CPS1: variants seen among roughly 807,000 people sequenced by gnomAD.
The protein encoded by CPS1 is carbamoyl-phosphate synthase 1.
CPS1 carries 109 observed loss-of-function variants against 174.6 expected under a neutral mutation model. The observed-to-expected ratio is 0.62, with a 90% CI of 0.53 to 0.73. The LOEUF (loss-of-function observed/expected upper bound fraction) is 0.73, where lower values mean the gene tolerates loss of function less well. Ranked by LOEUF, CPS1 falls within the 30% of genes least tolerant of loss-of-function variation. CPS1 has a pLI of 0.00. For synonymous variants in CPS1, 637 were observed against 632.0 expected, an observed-to-expected ratio of 1.01 and a Z score of -0.12; for missense variants, 1,689 against 1,821.9, an observed-to-expected ratio of 0.93 and a Z score of 1.33.
chr2:210,523,484 C>T (rs953209836), intron 1 of CPS1, among the ~76,000 whole-genome samples: 7 of 151,962 alleles, frequency 4.6e-5, no homozygotes, highest in Admixed American at 3.3e-4. Context: ...TCTCCTCTCT[C>T]ACCTCCTTCC....
At chr2:210,601,759 T>C (rs1698734518) in intron 15 of CPS1, among the ~76,000 whole-genome samples, 1 of 151,858 alleles carries the variant, frequency 6.6e-6, no homozygotes, top group South Asian at 2.1e-4. Context: ...AAAAATCCAT[T>C]TATATACAGT....
In CPS1 at chr2:210,668,183, C is replaced by A. The variant is rs779886770; in HGVS notation, c.4003-3C>A. 3.1e-6 allele frequency: 5 copies of A among 1,608,890 alleles called. No individual in the cohort carries two copies. The Admixed American group carries it at 5.0e-5, about 16-fold the overall frequency. On this transcript the variant is annotated splice_region_variant and splice_polypyrimidine_tract_variant and intron_variant, in intron 33 of 37. Coordinates refer to ENST00000233072, the MANE Select transcript of CPS1 (RefSeq NM_001875.5). ...TTTTAATTTTTTATTTATTTCTAAA[C>A]AGGTGGCTTGCTTTGGTGAAGGTAT... is the stretch of plus-strand genomic sequence containing the variant.
chr2:210,541,338 A>T (rs866558793), intron 1 of CPS1, among the ~76,000 whole-genome samples: 1 of 152,282 alleles, frequency 6.6e-6, no homozygotes, highest in East Asian at 1.9e-4. Flanking sequence ...AATGAAATGC[A>T]TATAATGTAG....
chr2:210,675,974 G>A lies in CPS1; in HGVS notation c.4274+134G>A, dbSNP rs1347171243. On this transcript the variant is annotated intron_variant, in intron 36 of 37. Coordinates refer to ENST00000233072, the MANE Select transcript of CPS1 (RefSeq NM_001875.5). ...AAAATGAATACATTTGTGGATGATT[G>A]TCAAGTTTCACTCTCCATCACTATG... 5.8e-6 allele frequency: 4 copies of A among 693,370 alleles called. No individual in the cohort carries two copies. The Admixed American group carries it at 6.1e-5, about 11-fold the overall frequency. The allele number at this position is 693,370 out of a possible 1,614,324, so 43.0% of individuals were successfully genotyped here.
intron 25 of CPS1, among the ~76,000 whole-genome samples, chr2:210,643,854 C>G (rs73984678): frequency 0.053 from 7,994 of 152,036 alleles, 730 homozygotes; most frequent in African/African-American, 0.18. Context: ...TTGAGATAGA[C>G]AGGTGGGGAT....
At chr2:210,670,977 T>G (rs1308322538) in intron 34 of CPS1, among the ~76,000 whole-genome samples, 1 of 152,190 alleles carries the variant, frequency 6.6e-6, no homozygotes, top group East Asian at 1.9e-4. Flanking sequence ...ATTTCTAACA[T>G]AAGAAAGGCA....
chr2:210,588,261 A>G (rs1698171906), intron 7 of CPS1, 114 bp downstream of exon 7: 4 of 879,278 alleles, frequency 4.5e-6, no homozygotes, highest in Non-Finnish European at 7.6e-6. Flanking sequence ...TCAGGGGTCT[A>G]CATTCTTCTT....
At position 210,556,867 on chromosome 2, in the gene CPS1, C is replaced by T; in HGVS notation, c.126+8C>T. ...AGGCTCCTTTCTGTCAAGGTAATACCCATATTGATTGTTTCTGATAAAATA... is the reference window on the plus strand; with the variant it reads ...AGGCTCCTTTCTGTCAAGGTAATACTCATATTGATTGTTTCTGATAAAATA... On this transcript the variant is annotated splice_region_variant and intron_variant, in intron 1 of 37. Transcript: ENST00000233072. The T allele has an allele frequency of 6.2e-7, 1 of 1,612,446 alleles. No homozygotes were observed. The highest frequency in any genetic ancestry group is 8.5e-7 in the Non-Finnish European group (1 of 1,178,918).
chr2:210,531,309 T>C (rs1696108245), intron 1 of CPS1, among the ~76,000 whole-genome samples: 2 of 152,120 alleles, frequency 1.3e-5, no homozygotes, highest in Non-Finnish European at 2.9e-5. Flanking sequence ...ACAGTACTCT[T>C]CTGCCAGCCT....
intron 21 of CPS1, among the ~76,000 whole-genome samples, chr2:210,620,184 T>TA (rs769530703): frequency 4.6e-5 from 7 of 152,064 alleles, no homozygotes; most frequent in Non-Finnish European, 5.9e-5. Flanking sequence ...TATTTTAAGA[T>TA]AAAATACAAT....
chr2:210,611,993 A>C, intron 19 of CPS1, 124 bp from the exon 20 acceptor site: 1 of 738,984 alleles, frequency 1.4e-6, no homozygotes, highest in Non-Finnish European at 2.2e-6. Context: ...TTAATTTGAG[A>C]GGCTTTATGA....
chr2:210,674,619 T>C (rs990404038), intron 34 of CPS1: 17 of 451,412 alleles, frequency 3.8e-5, no homozygotes, highest in African/African-American at 3.4e-4. Flanking sequence ...GAAGTGGATC[T>C]GAACTTACAA....
At chr2:210,650,935 C>A (rs1434136796) in intron 28 of CPS1, among the ~76,000 whole-genome samples, 1 of 152,052 alleles carries the variant, frequency 6.6e-6, no homozygotes, top group African/African-American at 2.4e-5. Context: ...TTTATTTTTT[C>A]CTGTTGGCAC....
intron 1 of CPS1, among the ~76,000 whole-genome samples, chr2:210,498,951 G>A (rs1372301400): frequency 1.3e-5 from 2 of 152,196 alleles, no homozygotes; most frequent in Non-Finnish European, 2.9e-5. Flanking sequence ...TGAACAGGAT[G>A]GGTGGGCTGG....
intron 20 of CPS1, among the ~76,000 whole-genome samples, chr2:210,613,126 C>A (rs1287949259): frequency 1.3e-5 from 2 of 151,692 alleles, no homozygotes; most frequent in African/African-American, 4.8e-5. Flanking sequence ...TATGTGTGTG[C>A]ATGTGGGATG....
In CPS1 at chr2:210,599,539, TG is replaced by T. The variant is rs764384490; in HGVS notation, c.1529del (p.Gly510AlafsTer5). 11 of 1,612,384 alleles carry T rather than the reference TG, an allele frequency of 6.8e-6. No individual in the cohort carries two copies. In the East Asian group the frequency reaches 2.0e-4, roughly 29 times the overall value. ...CAGATGGGTTAATTCTGGGCATGGG[TG>T]GCCAGACAGCTCTGAACTGTGGTGA... Reference protein sequence around the residue: ...QPDGLILGMGGQTALNCGVEL... With the variant: ...QPDGLILGMGXQTALNCGVEL... On this transcript the variant is annotated frameshift_variant, in exon 14 of 38. Coordinates refer to ENST00000233072, the MANE Select transcript of CPS1 (RefSeq NM_001875.5). LOFTEE classifies it high-confidence loss of function.
At chr2:210,648,155 G>A (rs1259927067) in intron 26 of CPS1, 98 bp downstream of exon 26, 1 of 1,239,440 alleles carries the variant, frequency 8.1e-7, no homozygotes, top group African/African-American at 1.5e-5. Context: ...GTTAACTACA[G>A]GGCAGATAGA....
chr2:210,592,015 G>A (rs1271443308), intron 10 of CPS1, 46 bp downstream of exon 10: 7 of 1,585,606 alleles, frequency 4.4e-6, no homozygotes, highest in Non-Finnish European at 6.0e-6. Flanking sequence ...GAGAAACGCA[G>A]GGCTTTTAAA....
intron 1 of CPS1, among the ~76,000 whole-genome samples, chr2:210,570,061 C>T (rs771701152): frequency 9.9e-5 from 15 of 151,848 alleles, no homozygotes; most frequent in Non-Finnish European, 1.9e-4. Flanking sequence ...AATAATAGCT[C>T]TTTGTTCAGT....
Sources: gnomAD v4.1 joint callset for allele counts (sites outside exome capture counted in the v4.1 genomes callset) on GRCh38, gnomAD v4.1.1 for gene constraint, MANE v1.5 for transcripts, NCBI Gene and HGNC (gene_info 2026-07-23, HGNC 2026-07-21) for gene names.